RPS6KC1: variants seen among roughly 807,000 people sequenced by gnomAD.
RPS6KC1 encodes the protein ribosomal protein S6 kinase C1.
A neutral mutation model predicts 103.8 loss-of-function variants in RPS6KC1; 54 were observed. The observed-to-expected ratio is 0.52, with a 90% CI of 0.42 to 0.65. The LOEUF (loss-of-function observed/expected upper bound fraction) is 0.65, where lower values mean the gene tolerates loss of function less well. Among genes scored for constraint, RPS6KC1 ranks in the 30% least tolerant of loss-of-function variants. The pLI is 0.00. For synonymous variants in RPS6KC1, 439 were observed against 438.7 expected (o/e 1.00, Z -0.01); for missense variants, 1,151 against 1,253.8 (o/e 0.92, Z 1.24).
chr1:213,854,486 T>C, the RPS6KC1 span, among the ~76,000 whole-genome samples: 937 of 152,160 alleles, frequency 6.2e-3, 7 homozygotes, highest in Admixed American at 0.012. Context: ...GTACTCTCTG[T>C]AGGCCAATAT....
At chr1:213,115,949 T>C (rs1370192302) in intron 4 of RPS6KC1, among the ~76,000 whole-genome samples, 1 of 152,214 alleles carries the variant, frequency 6.6e-6, no homozygotes, top group Non-Finnish European at 1.5e-5. Flanking sequence ...CTTTTACATT[T>C]GCTGAGGAGA....
chr1:213,380,002 C>A, the RPS6KC1 span, among the ~76,000 whole-genome samples: 1 of 152,108 alleles, frequency 6.6e-6, no homozygotes, highest in African/African-American at 2.4e-5. Flanking sequence ...ATAAATCATT[C>A]TGTTATAAAG....
At chr1:213,586,365 C>T in the RPS6KC1 span, among the ~76,000 whole-genome samples, 1 of 152,196 alleles carries the variant, frequency 6.6e-6, no homozygotes, top group East Asian at 1.9e-4. Context: ...CATATGAAAG[C>T]TGTGAAGTTT....
At chr1:213,222,920 A>T (rs913274131) in intron 8 of RPS6KC1, among the ~76,000 whole-genome samples, 1 of 152,226 alleles carries the variant, frequency 6.6e-6, no homozygotes, top group Non-Finnish European at 1.5e-5. Flanking sequence ...AAAAATTCAG[A>T]TCTAATACTA....
chr1:213,055,931 G>T (rs1157551558), intron 1 of RPS6KC1, among the ~76,000 whole-genome samples: 1 of 152,086 alleles, frequency 6.6e-6, no homozygotes, highest in Non-Finnish European at 1.5e-5. Context: ...AGAGATGGGG[G>T]TTTCACTGCA....
At chr1:213,376,294 A>T in the RPS6KC1 span, among the ~76,000 whole-genome samples, 1 of 152,236 alleles carries the variant, frequency 6.6e-6, no homozygotes, top group Non-Finnish European at 1.5e-5. Context: ...GCATTTCCCT[A>T]GTCCCTAAAA....
At chr1:213,781,020 C>T in the RPS6KC1 span, among the ~76,000 whole-genome samples, 1 of 152,054 alleles carries the variant, frequency 6.6e-6, no homozygotes, top group African/African-American at 2.4e-5. Context: ...GAGATTCTGT[C>T]TTAACACAAA....
chr1:213,738,336 A>G, the RPS6KC1 span, among the ~76,000 whole-genome samples: 601 of 152,240 alleles, frequency 3.9e-3, 4 homozygotes, highest in Admixed American at 9.1e-3. Context: ...ACATGTATAA[A>G]CCCATATCAA....
the RPS6KC1 span, among the ~76,000 whole-genome samples, chr1:213,605,815 G>T: frequency 6.6e-5 from 10 of 152,328 alleles, no homozygotes; most frequent in Non-Finnish European, 1.2e-4. Context: ...CAATTTCAGA[G>T]GCTCTGGTGG....
chr1:213,367,819 G>GA, the RPS6KC1 span, among the ~76,000 whole-genome samples: 2 of 152,158 alleles, frequency 1.3e-5, no homozygotes, highest in Non-Finnish European at 2.9e-5. Context: ...GGGTAGATAA[G>GA]AAGAAGAAAC....
chr1:213,170,686 T>C (rs1206239451), intron 7 of RPS6KC1, among the ~76,000 whole-genome samples: 2 of 152,268 alleles, frequency 1.3e-5, no homozygotes, highest in Non-Finnish European at 2.9e-5. Flanking sequence ...TCTTTTATGG[T>C]AAACATTTGC....
rs12088296 is a variant in RPS6KC1 at position 213,176,929 on chromosome 1, A to C, written c.1044+437A>C. Among the ~76,000 whole-genome samples the C allele has an allele frequency of 3.6e-3, 546 of 152,300 alleles. 4 individuals carry two copies. The highest frequency in any genetic ancestry group is 0.012 in the African/African-American group (513 of 41,572). ...TATGTTAGGCATTTTATATGATACAATCTTTCTTACAATTGTATTTGCATC... is the reference window on the plus strand; with the variant it reads ...TATGTTAGGCATTTTATATGATACACTCTTTCTTACAATTGTATTTGCATC... On this transcript the variant is annotated intron_variant, in intron 8 of 14. Coordinates refer to ENST00000366960, the MANE Select transcript of RPS6KC1 (RefSeq NM_012424.6).
the RPS6KC1 span, among the ~76,000 whole-genome samples, chr1:213,331,147 G>T: frequency 6.6e-6 from 1 of 152,244 alleles, no homozygotes; most frequent in African/African-American, 2.4e-5. Context: ...TGGCACAGGA[G>T]ACTAGTAAGC....
At chr1:213,799,749 G>GGGTA in the RPS6KC1 span, among the ~76,000 whole-genome samples, 1 of 152,196 alleles carries the variant, frequency 6.6e-6, no homozygotes, top group African/African-American at 2.4e-5. Flanking sequence ...ACAGAGCCAG[G>GGGTA]GGTAGGTAAG....
chr1:213,658,348 C>A, the RPS6KC1 span, among the ~76,000 whole-genome samples: 1 of 152,106 alleles, frequency 6.6e-6, no homozygotes, highest in Non-Finnish European at 1.5e-5. Flanking sequence ...AGAGGTGAAG[C>A]GGCTAAGTCA....
chr1:213,854,562 T>TTCTTTCTTTCTC, the RPS6KC1 span, among the ~76,000 whole-genome samples: 56 of 122,608 alleles, frequency 4.6e-4, no homozygotes, highest in East Asian at 2.2e-3. Flanking sequence ...CTTTCTTTCT[T>TTCTTTCTTTCTC]TCTCTCTCTC....
At chr1:213,804,157 A>T in the RPS6KC1 span, among the ~76,000 whole-genome samples, 1 of 147,614 alleles carries the variant, frequency 6.8e-6, no homozygotes, top group Non-Finnish European at 1.5e-5. Context: ...TAAAAAAAAA[A>T]ATCAGTGGCT....
At chr1:213,294,843 T>G in the RPS6KC1 span, among the ~76,000 whole-genome samples, 27 of 152,188 alleles carry the variant, frequency 1.8e-4, no homozygotes, top group African/African-American at 4.6e-4. Flanking sequence ...CAAAAACGCT[T>G]CTTCTCCTTC....
chr1:213,616,389 A>G, the RPS6KC1 span, among the ~76,000 whole-genome samples: 1 of 152,204 alleles, frequency 6.6e-6, no homozygotes, highest in Non-Finnish European at 1.5e-5. Context: ...TGGAGCCCAG[A>G]GGATGAGAAG....
Sources: gnomAD v4.1 joint callset for allele counts (sites outside exome capture counted in the v4.1 genomes callset) on GRCh38, gnomAD v4.1.1 for gene constraint, MANE v1.5 for transcripts, NCBI Gene and HGNC (gene_info 2026-07-23, HGNC 2026-07-21) for gene names.